Variants in TMEM132D observed in about 807,000 individuals in gnomAD.
TMEM132D encodes transmembrane protein 132D.
Under a neutral mutation model 62.3 loss-of-function variants are expected in TMEM132D, and 21 were observed. That is an observed-to-expected ratio of 0.34 (90% CI 0.24 to 0.49). TMEM132D has a LOEUF of 0.49. TMEM132D is among the 20% of genes least tolerant of loss of function. The pLI is 0.99. For missense variants in TMEM132D, 1,346 were observed against 1,402.8 expected (o/e 0.96, Z 0.65); for synonymous variants, 621 against 575.6 (o/e 1.08, Z -1.13).
intron 1 of TMEM132D, among the ~76,000 whole-genome samples, chr12:129,747,209 C>CCCGCTCCTTCTCCCTCCTCCCG (rs1555229160): frequency 5.1e-4 from 15 of 29,448 alleles, no homozygotes; most frequent in South Asian, 1.8e-3. Flanking sequence ...CCTTCTTACT[C>CCCGCTCCTTCTCCCTCCTCCCG]CTCCTTCCAG....
rs1593006628 is a variant in TMEM132D at position 129,433,455 on chromosome 12, C to T, written c.1116-95638G>A. Among the ~76,000 whole-genome samples the T allele has an allele frequency of 7.2e-5, 11 of 152,266 alleles. No homozygotes were observed. The South Asian group carries it at 2.3e-3, about 32-fold the overall frequency. On this transcript the variant is annotated intron_variant, in intron 3 of 8. Transcript: ENST00000422113. ...TAAAATTGTTTATTTCCCCTCATTG[C>T]TTTCTTTTCCTTCACCTGGTTCAAG... is the stretch of plus-strand genomic sequence containing the variant.
chr12:129,626,593 G>A (rs908067721), intron 2 of TMEM132D, among the ~76,000 whole-genome samples: 1 of 151,904 alleles, frequency 6.6e-6, no homozygotes, highest in Non-Finnish European at 1.5e-5. Flanking sequence ...GAGTAGCTGC[G>A]ATTACAGGCA....
chr12:129,457,024 CAG>C (rs1256188032), intron 3 of TMEM132D, among the ~76,000 whole-genome samples: 2 of 151,954 alleles, frequency 1.3e-5, no homozygotes, highest in Non-Finnish European at 2.9e-5. Context: ...TTGTGGAAGT[CAG>C]TGTGGCGATT....
intron 4 of TMEM132D, among the ~76,000 whole-genome samples, chr12:129,308,329 C>A (rs1215262099): frequency 6.6e-6 from 1 of 152,144 alleles, no homozygotes; most frequent in Non-Finnish European, 1.5e-5. Flanking sequence ...ACATTCTAGG[C>A]ATGATACGTA....
At position 129,827,296 on chromosome 12, in the gene TMEM132D, C is replaced by T. The variant is rs917773441; in HGVS notation, c.79+75965G>A. Among the ~76,000 whole-genome samples, 2 of 152,036 alleles carry T rather than the reference C, an allele frequency of 1.3e-5. No individual in the cohort carries two copies. Among genetic ancestry groups the T allele is most frequent in the African/African-American group, 2.4e-5 (1 of 41,376 alleles). On this transcript the variant is annotated intron_variant, in intron 1 of 8. Coordinates refer to ENST00000422113, the MANE Select transcript of TMEM132D (RefSeq NM_133448.3). The surrounding 1 kb of genome is among the most constrained non-coding windows in gnomAD (Gnocchi z 9.7). ...AGGCTTGAAGAAACTAAGTAATTTG[C>T]CCAACAGCACCCAGTTAACAAAGGG...
chr12:129,751,583 A>G (rs1038044951), intron 1 of TMEM132D, among the ~76,000 whole-genome samples: 1 of 152,162 alleles, frequency 6.6e-6, no homozygotes, highest in African/African-American at 2.4e-5. Flanking sequence ...CCTGCCCTTA[A>G]GTTGTTTGTT....
intron 3 of TMEM132D, among the ~76,000 whole-genome samples, chr12:129,466,425 G>A (rs1308337781): frequency 1.3e-5 from 2 of 148,478 alleles, no homozygotes; most frequent in Non-Finnish European, 3.0e-5. Flanking sequence ...AATCCTCCCC[G>A]CCCCCGTCCT....
At chr12:129,780,058 C>G (rs966084865) in intron 1 of TMEM132D, among the ~76,000 whole-genome samples, 3 of 152,060 alleles carry the variant, frequency 2.0e-5, no homozygotes, top group Admixed American at 1.3e-4. Flanking sequence ...CACCCTGAAG[C>G]TAAGAGCAGA....
intron 4 of TMEM132D, among the ~76,000 whole-genome samples, chr12:129,325,416 C>T (rs187602729): frequency 8.5e-5 from 13 of 152,298 alleles, no homozygotes; most frequent in Middle Eastern, 3.4e-3. Context: ...CCACACATTA[C>T]AGAATACCAA....
chr12:129,893,154 C>T, intron 1 of TMEM132D, among the ~76,000 whole-genome samples: 1 of 152,136 alleles, frequency 6.6e-6, no homozygotes, highest in Non-Finnish European at 1.5e-5. Flanking sequence ...GGATTACAGG[C>T]AGGAGCCACC....
In TMEM132D at chr12:129,403,147, T is replaced by G. The variant is rs76294407; in HGVS notation, c.1116-65330A>C. On this transcript the variant is annotated intron_variant, in intron 3 of 8. Coordinates refer to ENST00000422113, the MANE Select transcript of TMEM132D (RefSeq NM_133448.3). ...AAACAATATTCTTCATCTGGAACTT[T>G]CCTTCCAAACCAACTCAGTGCCCAG... Among the ~76,000 whole-genome samples, 230 of 151,560 alleles carry G rather than the reference T, an allele frequency of 1.5e-3. 1 individual carries two copies. The highest frequency in any genetic ancestry group is 5.5e-3 in the African/African-American group (226 of 41,240).
In TMEM132D at chr12:129,758,220, T is replaced by G. The variant is rs559874580; in HGVS notation, c.80-57522A>C. ...ACGCCTGGCCCACTTTTATTTTATT[T>G]TTTTTAAGTGACACCACTCTTCCTC... On this transcript the variant is annotated intron_variant, in intron 1 of 8. Transcript: ENST00000422113. Among the ~76,000 whole-genome samples, 3 of 152,262 alleles carry G rather than the reference T, an allele frequency of 2.0e-5. 1 individual carries two copies. The South Asian group carries it at 6.2e-4, about 32-fold the overall frequency.
chr12:129,509,582 T>A (rs546452542), intron 3 of TMEM132D, among the ~76,000 whole-genome samples: 10 of 152,272 alleles, frequency 6.6e-5, no homozygotes, highest in African/African-American at 9.6e-5. Context: ...ATTCTTTCTA[T>A]TTTTTGTATC....
chr12:129,529,577 A>C (rs1179173440), intron 3 of TMEM132D, among the ~76,000 whole-genome samples: 2 of 152,246 alleles, frequency 1.3e-5, no homozygotes, highest in East Asian at 3.8e-4. Flanking sequence ...TACTGCTTCT[A>C]CTAATACATA....
At chr12:129,511,160 T>C (rs1281916818) in intron 3 of TMEM132D, among the ~76,000 whole-genome samples, 1 of 152,146 alleles carries the variant, frequency 6.6e-6, no homozygotes, top group Non-Finnish European at 1.5e-5. Context: ...ACCCACCAAG[T>C]TCTTTTGTGC....
intron 4 of TMEM132D, among the ~76,000 whole-genome samples, chr12:129,293,642 A>C (rs193181006): frequency 3.3e-3 from 496 of 152,336 alleles, no homozygotes; most frequent in African/African-American, 0.011. Flanking sequence ...TGATGGAGAC[A>C]GTAACAGATC....
At chr12:129,271,288 C>A (rs1880847412) in intron 4 of TMEM132D, among the ~76,000 whole-genome samples, 1 of 149,924 alleles carries the variant, frequency 6.7e-6, no homozygotes, top group Non-Finnish European at 1.5e-5. Context: ...CTTCGTAACA[C>A]CAAAGCTAAA....
At chr12:129,172,565 T>A (rs537794255) in intron 5 of TMEM132D, among the ~76,000 whole-genome samples, 6 of 152,332 alleles carry the variant, frequency 3.9e-5, no homozygotes, top group African/African-American at 1.4e-4. Context: ...GAGGCCACTG[T>A]ATTAATTGGC....
At chr12:129,264,762 G>T (rs968887717) in intron 4 of TMEM132D, among the ~76,000 whole-genome samples, 1 of 152,206 alleles carries the variant, frequency 6.6e-6, no homozygotes, top group African/African-American at 2.4e-5. Context: ...AACAGCATTT[G>T]CAGTGAGCTG....
Sources: allele counts gnomAD v4.1 joint callset (sites outside exome capture counted in the v4.1 genomes callset), GRCh38; gene constraint gnomAD v4.1.1; non-coding constraint Gnocchi (gnomAD v3.1); transcripts MANE v1.5; gene names NCBI Gene and HGNC (gene_info 2026-07-23, HGNC 2026-07-21).